Variants in WDR6 observed in about 807,000 individuals in gnomAD.
The protein encoded by WDR6 is tRNA (34-2'-O)-methyltransferase regulator WDR6.
Under a neutral mutation model 85.6 loss-of-function variants are expected in WDR6, and 58 were observed. The ratio of observed to expected loss-of-function variants is 0.68; its 90% CI spans 0.55 to 0.84. The LOEUF (loss-of-function observed/expected upper bound fraction) is 0.84, where lower values mean the gene tolerates loss of function less well. Ranked by LOEUF, WDR6 falls within the 40% of genes least tolerant of loss-of-function variation. The pLI, the probability that WDR6 is intolerant of heterozygous loss-of-function variation, is 0.00. For synonymous variants in WDR6, 569 were observed against 582.2 expected (o/e 0.98, Z 0.33); for missense variants, 1,310 against 1,476.4 (o/e 0.89, Z 1.85).
Position 49,012,637 on chromosome 3 carries a change from C to G in WDR6, c.1103C>G (p.Thr368Arg). The G allele has an allele frequency of 5.0e-6, 8 of 1,614,102 alleles. No individual in the cohort carries two copies. The highest frequency in any genetic ancestry group is 6.8e-6 in the Non-Finnish European group (8 of 1,180,016). Reference protein sequence around the residue: ...GSWRLLAVTDTGALYLYDVEV... With the variant: ...GSWRLLAVTDRGALYLYDVEV... ...TGGCGACTGCTGGCAGTGACTGATA[C>G]AGGGGCCCTGTATCTCTATGACGTC... is the stretch of plus-strand genomic sequence containing the variant. Residue 368 changes from threonine to arginine, a missense_variant, in exon 2 of 6, where the codon ACA (threonine) becomes AGA (arginine). Coordinates refer to ENST00000608424, the MANE Select transcript of WDR6 (RefSeq NM_018031.6). The surrounding 1 kb of genome is among the most constrained non-coding windows in gnomAD (Gnocchi z 4.4).
At position 49,012,456 on chromosome 3, in the gene WDR6, G is replaced by A; in HGVS notation, c.922G>A (p.Glu308Lys). The stretch of plus-strand genomic sequence containing the variant: ...TGGGATCCGGGCCATAGCTGCCCAT[G>A]AGAGGCAGGCCTGGGTGATCACTGG... ...GRGIRAIAAH[E>K]RQAWVITGGD... Residue 308 changes from glutamate to lysine, a missense_variant, in exon 2 of 6, where the codon GAG becomes AAG. Coordinates refer to ENST00000608424, the MANE Select transcript of WDR6 (RefSeq NM_018031.6). The surrounding 1 kb of genome is among the most constrained non-coding windows in gnomAD (Gnocchi z 4.4). The A allele has an allele frequency of 1.2e-6, 2 of 1,614,180 alleles. No homozygotes were observed. Among genetic ancestry groups the A allele is most frequent in the Admixed American group, 3.3e-5 (2 of 60,026 alleles).
chr3:49,007,680 A>G lies in WDR6; in HGVS notation c.100+149A>G. On this transcript the variant is annotated intron_variant, in intron 1 of 5. Transcript: ENST00000608424. This position sits in a 1 kb window ranked among gnomAD's most constrained non-coding sequence, Gnocchi z 5.1. ...CGGAGGTGGGAAGGGAGCCCCGGAG[A>G]TGGCGGGGACGAGGGCCAACCTGAA... is the stretch of plus-strand genomic sequence containing the variant. 2 of 1,331,134 alleles carry G rather than the reference A, an allele frequency of 1.5e-6. No homozygotes were observed. The highest frequency in any genetic ancestry group is 1.9e-6 in the Non-Finnish European group (2 of 1,036,388). The allele number at this position is 1,331,134 out of a possible 1,614,324, so 82.5% of individuals were successfully genotyped here.
Position 49,011,821 on chromosome 3 carries a change from A to G in WDR6, c.287A>G (p.Lys96Arg). The part of the protein sequence containing the change: ...VFGSKGLRVV[K>R]ISWGQGHFWE... ...GGAAGCAAGGGACTCCGAGTTGTGA[A>G]AATTAGCTGGGGACAGGGCCACTTC... is the stretch of plus-strand genomic sequence containing the variant. Residue 96 changes from lysine to arginine, a missense_variant, in exon 2 of 6, where the codon AAA (lysine) becomes AGA (arginine). Coordinates refer to ENST00000608424, the MANE Select transcript of WDR6 (RefSeq NM_018031.6). 6.2e-7 allele frequency: 1 copy of G among 1,614,168 alleles called. No individual in the cohort carries two copies.
intron 1 of WDR6, chr3:49,011,358 C>A: frequency 2.7e-6 from 3 of 1,104,914 alleles, no homozygotes; most frequent in Non-Finnish European, 3.7e-6. Context: ...GGATTACAGG[C>A]GTGAGCCACC....
chr3:49,013,998 C>T lies in WDR6; in HGVS notation c.2464C>T (p.Pro822Ser). 3 of 1,611,784 alleles carry T rather than the reference C, an allele frequency of 1.9e-6. No individual in the cohort carries two copies. Among genetic ancestry groups the T allele is most frequent in the Non-Finnish European group, 2.5e-6 (3 of 1,180,000 alleles). The change falls in exon 2 of 6, where the codon CCC (proline) becomes TCC (serine). Residue 822 changes from proline (P) to serine (S), a missense_variant. Coordinates refer to ENST00000608424, the MANE Select transcript of WDR6 (RefSeq NM_018031.6). The surrounding 1 kb of genome is among the most constrained non-coding windows in gnomAD (Gnocchi z 4.6). ...HCFSIMVTPD[P>S]STPSRLACHV... is the part of the protein sequence containing the mutation. ...CTTCAGCATCATGGTTACTCCGGAC[C>T]CCAGCACCCCAAGCCGCCTCGCCTG...
Position 49,012,039 on chromosome 3 carries a change from G to T in WDR6, c.505G>T (p.Ala169Ser). 5 of 1,614,138 alleles carry T rather than the reference G, an allele frequency of 3.1e-6. No individual in the cohort carries two copies. Among genetic ancestry groups the T allele is most frequent in the South Asian group, 1.1e-5 (1 of 91,084 alleles). ...CTCTTCAGCCTGCCTGATTGGAGACGCCTGGAAGGAGCTGACCATAGTGGC... is the reference window on the plus strand; with the variant it reads ...CTCTTCAGCCTGCCTGATTGGAGACTCCTGGAAGGAGCTGACCATAGTGGC... Reference protein sequence around the residue: ...TLSSACLIGDAWKELTIVAGA... With the variant: ...TLSSACLIGDSWKELTIVAGA... Residue 169 changes from alanine to serine, a missense_variant, in exon 2 of 6, where the codon GCC becomes TCC. By Grantham distance (99) the Ala-to-Ser change is moderately conservative (BLOSUM62 1). Coordinates refer to ENST00000608424, the MANE Select transcript of WDR6 (RefSeq NM_018031.6). This position sits in a 1 kb window ranked among gnomAD's most constrained non-coding sequence, Gnocchi z 4.4.
At chr3:49,010,505 C>G (rs2093008637) in intron 1 of WDR6, among the ~76,000 whole-genome samples, 1 of 152,050 alleles carries the variant, frequency 6.6e-6, no homozygotes, top group African/African-American at 2.4e-5. Context: ...CACCGCAGGT[C>G]AGGAGTTCGA....
chr3:49,015,522 G>A lies in WDR6; in HGVS notation c.*234G>A. 6.3e-7 allele frequency: 1 copy of A among 1,598,452 alleles called. No individual in the cohort carries two copies. The highest frequency in any genetic ancestry group is 8.5e-7 in the Non-Finnish European group (1 of 1,170,202). On this transcript the variant is annotated 3_prime_UTR_variant, in exon 6 of 6. Transcript: ENST00000608424. ...AACAGTACCAATTTATTTTGGCCGTGGGTTTTTGCTTTTTTTCCAGTTGAT... is the reference window on the plus strand; with the variant it reads ...AACAGTACCAATTTATTTTGGCCGTAGGTTTTTGCTTTTTTTCCAGTTGAT...
rs2093020797 is a variant in WDR6, at chr3:49,012,296, C to A, written c.762C>A (p.Cys254Ter). 2 of 1,614,222 alleles carry A rather than the reference C, an allele frequency of 1.2e-6. No individual in the cohort carries two copies. Among genetic ancestry groups the A allele is most frequent in the Non-Finnish European group, 1.7e-6 (2 of 1,180,042 alleles). The change falls in exon 2 of 6, where the codon TGC (cysteine) becomes TGA (stop). Residue 254 changes from cysteine to a stop codon, truncating the protein, a stop_gained. Transcript: ENST00000608424. LOFTEE classifies it high-confidence loss of function. This position sits in a 1 kb window ranked among gnomAD's most constrained non-coding sequence, Gnocchi z 4.4. ...PGGRVQNIGHCFGHSARVWQV... is the reference protein window; with the variant it reads ...PGGRVQNIGH ...GTCGGGTGCAGAATATTGGGCACTGCTTTGGGCACAGCGCCCGTGTGTGGC... is the reference window on the plus strand; with the variant it reads ...GTCGGGTGCAGAATATTGGGCACTGATTTGGGCACAGCGCCCGTGTGTGGC...
chr3:49,015,212 G>A lies in WDR6; in HGVS notation c.3290G>A (p.Trp1097Ter). 6.2e-7 allele frequency: 1 copy of A among 1,613,774 alleles called. No homozygotes were observed. Among genetic ancestry groups the A allele is most frequent in the Non-Finnish European group, 8.5e-7 (1 of 1,180,036 alleles). Residue 1097 changes from tryptophan (W) to a stop codon, truncating the protein, a stop_gained, in exon 6 of 6, where the codon TGG becomes TAG. Transcript: ENST00000608424. LOFTEE classifies it high-confidence loss of function. ...HVPDVADMDC[W>*]PVSPEFGHRC... ...CCTGATGTGGCTGACATGGACTGCT[G>A]GCCTGTGAGCCCTGAGTTTGGCCAC...
In WDR6 at chr3:49,013,288, C is replaced by T. The variant is rs2093028331; in HGVS notation, c.1754C>T (p.Thr585Ile). 2 of 1,614,130 alleles carry T rather than the reference C, an allele frequency of 1.2e-6. No homozygotes were observed. Among genetic ancestry groups the T allele is most frequent in the East Asian group, 4.5e-5 (2 of 44,886 alleles). The change falls in exon 2 of 6, where the codon ACA becomes ATA. Residue 585 changes from threonine to isoleucine, a missense_variant. Coordinates refer to ENST00000608424, the MANE Select transcript of WDR6 (RefSeq NM_018031.6). The surrounding 1 kb of genome is among the most constrained non-coding windows in gnomAD (Gnocchi z 4.6). ...VTCHGGYVYTTGRDGAYYQLF... is the reference protein window; with the variant it reads ...VTCHGGYVYTIGRDGAYYQLF... ...TGCCATGGTGGCTATGTGTATACCA[C>T]AGGGCGTGATGGAGCCTACTACCAG...
At position 49,014,318 on chromosome 3, in the gene WDR6, C is replaced by G; in HGVS notation, c.2666+25C>G. 6.2e-7 allele frequency: 1 copy of G among 1,614,130 alleles called. No homozygotes were observed. The highest frequency in any genetic ancestry group is 8.5e-7 in the Non-Finnish European group (1 of 1,180,022). The stretch of plus-strand genomic sequence containing the variant: ...GGTGAGAGCATAGGGCCCAGTGGGA[C>G]AGGAGACAAAGGAAGTAAGGTTGTC... On this transcript the variant is annotated intron_variant, in intron 3 of 5. Coordinates refer to ENST00000608424, the MANE Select transcript of WDR6 (RefSeq NM_018031.6). The surrounding 1 kb of genome is among the most constrained non-coding windows in gnomAD (Gnocchi z 4.9).
chr3:49,010,400 T>C (rs1382137474), intron 1 of WDR6, among the ~76,000 whole-genome samples: 2 of 148,154 alleles, frequency 1.3e-5, no homozygotes, highest in African/African-American at 2.5e-5. Context: ...AGTGAGACTT[T>C]GTCTCAAAAA....
Position 49,014,183 on chromosome 3 carries a change from C to T in WDR6, c.2583-27C>T. 1 of 1,614,172 alleles carries T rather than the reference C, an allele frequency of 6.2e-7. No homozygotes were observed. Among genetic ancestry groups the T allele is most frequent in the South Asian group, 1.1e-5 (1 of 91,090 alleles). On this transcript the variant is annotated intron_variant, in intron 2 of 5. Coordinates refer to ENST00000608424, the MANE Select transcript of WDR6 (RefSeq NM_018031.6). The surrounding 1 kb of genome is among the most constrained non-coding windows in gnomAD (Gnocchi z 4.9). ...GATGCTCCCAGGCTTGCAGGCTCCA[C>T]CTGACAGCTGCATGTTGTCTCTGCA...
chr3:49,007,877 G>A lies in WDR6; in HGVS notation c.100+346G>A, dbSNP rs1459225278. On this transcript the variant is annotated intron_variant, in intron 1 of 5. Coordinates refer to ENST00000608424, the MANE Select transcript of WDR6 (RefSeq NM_018031.6). This position sits in a 1 kb window ranked among gnomAD's most constrained non-coding sequence, Gnocchi z 5.1. ...GTTGAGGGGGTGTGCTCCCTTCTAGGAGATGGGCGGGGGCTTGGCCTCTCC... is the reference window on the plus strand; with the variant it reads ...GTTGAGGGGGTGTGCTCCCTTCTAGAAGATGGGCGGGGGCTTGGCCTCTCC... Among the ~76,000 whole-genome samples the A allele has an allele frequency of 2.0e-5, 3 of 149,414 alleles. No homozygotes were observed. Among genetic ancestry groups the A allele is most frequent in the African/African-American group, 7.3e-5 (3 of 40,944 alleles).
chr3:49,012,615 C>A lies in WDR6; in HGVS notation c.1081C>A (p.Arg361=). ...GGCTGTGACTCTGGCTGGCTCTTGG[C>A]GACTGCTGGCAGTGACTGATACAGG... ...LKAVTLAGSW[R]LLAVTDTGAL... is the part of the protein sequence containing the mutation. Residue 361 remains arginine, a synonymous_variant, in exon 2 of 6, where the codon CGA becomes AGA. Transcript: ENST00000608424. This position sits in a 1 kb window ranked among gnomAD's most constrained non-coding sequence, Gnocchi z 4.4. 1 of 1,614,012 alleles carries A rather than the reference C, an allele frequency of 6.2e-7. No homozygotes were observed.
In WDR6 at chr3:49,012,575, G is replaced by T. The variant is rs772389627; in HGVS notation, c.1041G>T (p.Arg347Ser). ...VSALCFKSRSRPGTLKAVTLA... is the reference protein window; with the variant it reads ...VSALCFKSRSSPGTLKAVTLA... ...CTCTCTGCTTCAAGTCCCGTAGTAGGCCAGGTACACTCAAGGCTGTGACTC... is the reference window on the plus strand; with the variant it reads ...CTCTCTGCTTCAAGTCCCGTAGTAGTCCAGGTACACTCAAGGCTGTGACTC... The change falls in exon 2 of 6, where the codon AGG becomes AGT. Residue 347 changes from arginine (R) to serine (S), a missense_variant. Transcript: ENST00000608424. This position sits in a 1 kb window ranked among gnomAD's most constrained non-coding sequence, Gnocchi z 4.4. 6.2e-7 allele frequency: 1 copy of T among 1,614,080 alleles called. No homozygotes were observed. Among genetic ancestry groups the T allele is most frequent in the South Asian group, 1.1e-5 (1 of 91,082 alleles).
intron 1 of WDR6, 70 bp from the exon 2 acceptor site, chr3:49,011,565 C>T (rs756413522): frequency 1.9e-6 from 3 of 1,611,998 alleles, no homozygotes; most frequent in Non-Finnish European, 2.5e-6. Context: ...TTTCCCTGAT[C>T]CCCATCTCTT....
In WDR6 at chr3:49,013,567, A is replaced by G; in HGVS notation, c.2033A>G (p.Asp678Gly). ...AMAFAYLKDG[D>G]VMLYRALGGC... is the part of the protein sequence containing the mutation. ...GCCTTTGCTTACCTCAAGGATGGGGATGTCATGCTGTACAGGGCTCTGGGT... is the reference window on the plus strand; with the variant it reads ...GCCTTTGCTTACCTCAAGGATGGGGGTGTCATGCTGTACAGGGCTCTGGGT... The change falls in exon 2 of 6, where the codon GAT becomes GGT. Residue 678 changes from aspartate (D) to glycine (G), a missense_variant. Physicochemically the swap from Asp to Gly is moderately conservative, Grantham distance 94. Transcript: ENST00000608424. This position sits in a 1 kb window ranked among gnomAD's most constrained non-coding sequence, Gnocchi z 4.6. 1 of 1,613,956 alleles carries G rather than the reference A, an allele frequency of 6.2e-7. No individual in the cohort carries two copies. Among genetic ancestry groups the G allele is most frequent in the Non-Finnish European group, 8.5e-7 (1 of 1,179,982 alleles).
Sources: allele counts gnomAD v4.1 joint callset (sites outside exome capture counted in the v4.1 genomes callset), GRCh38; gene constraint gnomAD v4.1.1; non-coding constraint Gnocchi (gnomAD v3.1); transcripts MANE v1.5; gene names NCBI Gene and HGNC (gene_info 2026-07-23, HGNC 2026-07-21).